The following RNF128 variants were observed in gnomAD, a reference collection of about 807,000 sequenced individuals.
RNF128 encodes ring finger protein 128.
A neutral mutation model predicts 26.2 loss-of-function variants in RNF128; 13 were observed. The ratio of observed to expected loss-of-function variants is 0.50; its 90% CI spans 0.32 to 0.79. RNF128 has a LOEUF of 0.79. Ranked by LOEUF, RNF128 falls within the 30% of genes least tolerant of loss-of-function variation. The pLI is 0.03. For missense variants in RNF128, 315 were observed against 349.7 expected, an observed-to-expected ratio of 0.90 and a Z score of 0.79; for synonymous variants, 149 against 142.5, an observed-to-expected ratio of 1.05 and a Z score of -0.32.
At chrX:106,759,162 G>A (rs984680108) in intron 1 of RNF128, among the ~76,000 whole-genome samples, 6 of 111,618 alleles carry the variant, frequency 5.4e-5, no homozygotes, top group Admixed American at 1.9e-4. Context: ...ACATACAAAA[G>A]GCAAACAGGT....
At chrX:106,696,717 G>C (rs951434619) in intron 1 of RNF128, among the ~76,000 whole-genome samples, 4 of 111,029 alleles carry the variant, frequency 3.6e-5, no homozygotes. Context: ...CCATTATCCT[G>C]TACTAGGTCT....
intron 1 of RNF128, among the ~76,000 whole-genome samples, chrX:106,746,580 G>A (rs746719149): frequency 1.3e-4 from 15 of 111,162 alleles, no homozygotes; most frequent in Non-Finnish European, 2.5e-4. Flanking sequence ...ATTTCTATAC[G>A]TTGTGAATAA....
At chrX:106,743,059 A>G (rs1404402774) in intron 1 of RNF128, among the ~76,000 whole-genome samples, 1 of 111,286 alleles carries the variant, frequency 9.0e-6, no homozygotes, top group Admixed American at 9.6e-5. Context: ...TGACTGAGTC[A>G]TGAGATGAAA....
At chrX:106,697,128 AG>A (rs1928886444) in intron 1 of RNF128, among the ~76,000 whole-genome samples, 1 of 112,183 alleles carries the variant, frequency 8.9e-6, no homozygotes, top group African/African-American at 3.2e-5. Context: ...TTCTGTGTTT[AG>A]GTTTCTAAAT....
At chrX:106,793,796 C>G (rs750880106) in intron 6 of RNF128, among the ~76,000 whole-genome samples, 1 of 110,936 alleles carries the variant, frequency 9.0e-6, no homozygotes, top group Non-Finnish European at 1.9e-5. Context: ...GATGTTGTGC[C>G]CCTTTCAGTG....
chrX:106,788,295 A>G (rs1930694112), intron 4 of RNF128, among the ~76,000 whole-genome samples: 1 of 66,479 alleles, frequency 1.5e-5, no homozygotes, highest in South Asian at 6.3e-4. Context: ...TATTATATAT[A>G]GTATATATAC....
chrX:106,730,404 G>A (rs1317639575), intron 1 of RNF128, among the ~76,000 whole-genome samples: 1 of 112,020 alleles, frequency 8.9e-6, no homozygotes, highest in Admixed American at 9.5e-5. Flanking sequence ...AACCTGAAAG[G>A]AAATTAGGAG....
Position 106,727,276 on chromosome X carries a change from A to G in RNF128, c.363A>G (p.Gln121=), listed in dbSNP as rs759148405. ...TVQVSWLALI[Q]RGGGCTFADK... is the part of the protein sequence containing the mutation. ...AAGTCTCTTGGTTGGCCCTCATCCA[A>G]CGCGGCGGGGGCTGCACCTTCGCAG... The change falls in exon 1 of 7, where the codon CAA becomes CAG. Residue 121 remains glutamine, a synonymous_variant. Transcript: ENST00000255499. 31 of 1,209,718 alleles carry G rather than the reference A, an allele frequency of 2.6e-5. No homozygotes were observed. Among genetic ancestry groups the G allele is most frequent in the African/African-American group, 1.2e-4 (7 of 57,227 alleles).
At chrX:106,747,786 G>A (rs1388491149) in intron 1 of RNF128, among the ~76,000 whole-genome samples, 1 of 111,758 alleles carries the variant, frequency 8.9e-6, no homozygotes, top group African/African-American at 3.2e-5. Context: ...TGTGATTTGG[G>A]AATTATTATT....
At chrX:106,771,198 G>T (rs1930363447) in intron 1 of RNF128, among the ~76,000 whole-genome samples, 1 of 112,684 alleles carries the variant, frequency 8.9e-6, no homozygotes, top group Non-Finnish European at 1.9e-5. Context: ...GGCTACTGAG[G>T]GGTCAGGGAC....
intron 2 of RNF128, among the ~76,000 whole-genome samples, chrX:106,776,046 A>G (rs1724457807): frequency 8.9e-6 from 1 of 112,502 alleles, no homozygotes; most frequent in Non-Finnish European, 1.9e-5. Flanking sequence ...ACAAAAAAGT[A>G]TCAATGGATT....
intron 2 of RNF128, among the ~76,000 whole-genome samples, chrX:106,784,487 T>C (rs1930617817): frequency 2.7e-5 from 3 of 112,130 alleles, no homozygotes; most frequent in African/African-American, 9.7e-5. Context: ...TCAATCTTCT[T>C]CATTAAGCAA....
At chrX:106,783,161 G>T (rs902050975) in intron 2 of RNF128, among the ~76,000 whole-genome samples, 7 of 111,183 alleles carry the variant, frequency 6.3e-5, no homozygotes, top group African/African-American at 2.3e-4. Context: ...TGCTTTTCCT[G>T]TGACAGCAAA....
At chrX:106,763,773 T>C in intron 1 of RNF128, among the ~76,000 whole-genome samples, 1 of 111,413 alleles carries the variant, frequency 9.0e-6, no homozygotes, top group East Asian at 2.8e-4. Flanking sequence ...CCTCCCAAAG[T>C]GCTGGAATTA....
At chrX:106,767,775 G>T (rs1474023864) in intron 1 of RNF128, among the ~76,000 whole-genome samples, 1 of 111,654 alleles carries the variant, frequency 9.0e-6, no homozygotes, top group African/African-American at 3.3e-5. Flanking sequence ...GTGAGAAAGG[G>T]CATCCCTGTC....
rs1331793652 is a variant in RNF128, at chrX:106,726,774, T to C, written c.-140T>C. On this transcript the variant is annotated 5_prime_UTR_variant, in exon 1 of 7. Transcript: ENST00000255499. ...CTGTGTGCTGACGCTACGTGCCTCC[T>C]GGCTCCGACGTAGCTCGCAGCTCCC... is the stretch of plus-strand genomic sequence containing the variant. 1.9e-6 allele frequency: 2 copies of C among 1,067,347 alleles called. No homozygotes were observed. Among genetic ancestry groups the C allele is most frequent in the Non-Finnish European group, 2.4e-6 (2 of 832,294 alleles). The allele number at this position is 1,067,347 out of a possible 1,213,427, so 88.0% of individuals were successfully genotyped here.
intron 1 of RNF128, among the ~76,000 whole-genome samples, chrX:106,754,229 CT>C (rs983440221): frequency 2.8e-5 from 3 of 108,339 alleles, no homozygotes; most frequent in African/African-American, 6.7e-5. Flanking sequence ...TTTCTTTTTT[CT>C]TTTTTTTCAG....
chrX:106,769,133 A>C (rs759928589), intron 1 of RNF128, among the ~76,000 whole-genome samples: 1 of 111,992 alleles, frequency 8.9e-6, no homozygotes, highest in South Asian at 3.7e-4. Context: ...TTTACTTCCA[A>C]CTATGTCGTC....
intron 1 of RNF128, among the ~76,000 whole-genome samples, chrX:106,707,866 T>C (rs1051604381): frequency 2.7e-5 from 3 of 111,605 alleles, no homozygotes; most frequent in African/African-American, 9.8e-5. Context: ...AATTCATTGA[T>C]GGCAACCTGA....
Sources: allele counts gnomAD v4.1 joint callset (sites outside exome capture counted in the v4.1 genomes callset), GRCh38; gene constraint gnomAD v4.1.1; transcripts MANE v1.5; gene names NCBI Gene and HGNC (gene_info 2026-07-23, HGNC 2026-07-21).